The following CPXM2 variants were observed in gnomAD, a reference collection of about 807,000 sequenced individuals.
CPXM2 encodes the protein carboxypeptidase X, M14 family member 2.
A neutral mutation model predicts 86.1 loss-of-function variants in CPXM2; 66 were observed. The observed-to-expected ratio is 0.77, with a 90% confidence interval of 0.63 to 0.94. CPXM2 has a LOEUF of 0.94. CPXM2 is among the 40% of genes least tolerant of loss of function. CPXM2 has a pLI of 0.00. For synonymous variants in CPXM2, 388 were observed against 400.2 expected (o/e 0.97, Z 0.36); for missense variants, 948 against 1,026.3 (o/e 0.92, Z 1.04).
At chr10:123,798,150 G>T (rs780418617) in intron 5 of CPXM2, 24 bp from the exon 6 acceptor site, 5 of 1,560,530 alleles carry the variant, frequency 3.2e-6, no homozygotes, top group Non-Finnish European at 4.3e-6. Flanking sequence ...TGGGAGAAAA[G>T]GAAAATCTTT....
At chr10:123,764,000 G>A (rs1045073339) in intron 10 of CPXM2, among the ~76,000 whole-genome samples, 1 of 152,102 alleles carries the variant, frequency 6.6e-6, no homozygotes, top group Non-Finnish European at 1.5e-5. Flanking sequence ...TTTTACTTTT[G>A]CCAAACAATG....
chr10:123,861,811 T>A (rs1045885450), intron 3 of CPXM2, among the ~76,000 whole-genome samples: 1 of 152,172 alleles, frequency 6.6e-6, no homozygotes, highest in Non-Finnish European at 1.5e-5. Flanking sequence ...GAGACGTCTG[T>A]CCTCCAGAAC....
chr10:123,838,595 T>C (rs1194908701), intron 4 of CPXM2, among the ~76,000 whole-genome samples: 1 of 152,202 alleles, frequency 6.6e-6, no homozygotes, highest in African/African-American at 2.4e-5. Context: ...AACAGCAACA[T>C]CCATTTGGAA....
intron 3 of CPXM2, among the ~76,000 whole-genome samples, chr10:123,858,734 C>T (rs1848794481): frequency 6.6e-6 from 1 of 152,252 alleles, no homozygotes; most frequent in Admixed American, 6.5e-5. Context: ...TCTCCCTCTG[C>T]TAAAGACTGA....
intron 2 of CPXM2, among the ~76,000 whole-genome samples, chr10:123,905,144 A>AT (rs1375198455): frequency 6.6e-6 from 1 of 152,208 alleles, no homozygotes; most frequent in Non-Finnish European, 1.5e-5. Context: ...CCGCTGAGCT[A>AT]TACCCCCAAG....
chr10:123,751,934 T>C (rs7078710), intron 13 of CPXM2: 923,563 of 985,244 alleles, frequency 0.94, 433,598 homozygotes, highest in Non-Finnish European at 0.95. Flanking sequence ...TGCAGGGGCT[T>C]GAAACTCAGC....
intron 6 of CPXM2, among the ~76,000 whole-genome samples, chr10:123,791,233 G>A (rs920775249): frequency 6.6e-6 from 1 of 152,128 alleles, no homozygotes; most frequent in African/African-American, 2.4e-5. Flanking sequence ...GACCAACATG[G>A]AGAAACCCCA....
chr10:123,916,624 G>A (rs777291865), intron 2 of CPXM2, among the ~76,000 whole-genome samples: 5 of 152,148 alleles, frequency 3.3e-5, no homozygotes, highest in Non-Finnish European at 7.4e-5. Context: ...TCCAGGGCAG[G>A]GACACTGTGT....
upstream of CPXM2, among the ~76,000 whole-genome samples, chr10:123,942,858 C>G (rs571097313): frequency 2.0e-5 from 3 of 152,202 alleles, no homozygotes; most frequent in Admixed American, 2.0e-4. Flanking sequence ...GAACCCCTGA[C>G]GGACCACATA....
intron 4 of CPXM2, among the ~76,000 whole-genome samples, chr10:123,817,294 T>C (rs1847832706): frequency 6.6e-6 from 1 of 152,160 alleles, no homozygotes; most frequent in East Asian, 1.9e-4. Context: ...GCAGATCCAA[T>C]GGTGCTTGAG....
At chr10:123,822,590 T>A (rs1847951293) in intron 4 of CPXM2, among the ~76,000 whole-genome samples, 1 of 152,100 alleles carries the variant, frequency 6.6e-6, no homozygotes, top group Admixed American at 6.6e-5. Context: ...GGAGGTGATA[T>A]TTGAGCTAAA....
intron 2 of CPXM2, 79 bp from the exon 3 acceptor site, chr10:123,862,802 G>A (rs918205785): frequency 2.3e-5 from 29 of 1,285,826 alleles, no homozygotes; most frequent in African/African-American, 2.9e-5. Flanking sequence ...ATCTGGCCGC[G>A]TGCTTTTCCA....
At chr10:123,858,064 C>T (rs2362684) in intron 3 of CPXM2, among the ~76,000 whole-genome samples, 3 of 152,148 alleles carry the variant, frequency 2.0e-5, no homozygotes, top group East Asian at 1.9e-4. Context: ...TGCTGGTGCT[C>T]GGCCCCACAG....
intron 2 of CPXM2, among the ~76,000 whole-genome samples, chr10:123,903,086 CG>C (rs1284268531): frequency 6.6e-6 from 1 of 152,202 alleles, no homozygotes; most frequent in Non-Finnish European, 1.5e-5. Flanking sequence ...ATGATTGCAG[CG>C]GGTGAGGTCC....
chr10:123,943,430 A>G (rs987357445), upstream of CPXM2, among the ~76,000 whole-genome samples: 3 of 152,342 alleles, frequency 2.0e-5, no homozygotes, highest in Non-Finnish European at 4.4e-5. Flanking sequence ...TCAATGCCTC[A>G]GGGGAGCCTC....
intron 4 of CPXM2, among the ~76,000 whole-genome samples, chr10:123,812,247 T>C (rs1847709505): frequency 3.3e-5 from 5 of 152,192 alleles, no homozygotes; most frequent in African/African-American, 1.2e-4. Flanking sequence ...CAAGGTTAAA[T>C]AGCATTACAA....
chr10:123,790,166 C>A (rs1038480369), intron 6 of CPXM2, among the ~76,000 whole-genome samples: 1 of 152,050 alleles, frequency 6.6e-6, no homozygotes, highest in African/African-American at 2.4e-5. Context: ...GGGTGCGAGC[C>A]GGAGTGGCGG....
intron 2 of CPXM2, among the ~76,000 whole-genome samples, chr10:123,866,882 A>G (rs757152478): frequency 6.6e-6 from 1 of 152,154 alleles, no homozygotes; most frequent in African/African-American, 2.4e-5. Context: ...TTATTTAATC[A>G]ATCTTCCATT....
At chr10:123,890,974 C>T (rs556002955) in intron 1 of CPXM2, among the ~76,000 whole-genome samples, 54 of 152,320 alleles carry the variant, frequency 3.5e-4, no homozygotes, top group African/African-American at 1.3e-3. Context: ...ATCCCCAAAG[C>T]GGAAATTCAG....
Sources: gnomAD v4.1 joint callset for allele counts (sites outside exome capture counted in the v4.1 genomes callset) on GRCh38, gnomAD v4.1.1 for gene constraint, MANE v1.5 for transcripts, NCBI Gene and HGNC (gene_info 2026-07-23, HGNC 2026-07-21) for gene names.